VWF: variants seen among roughly 807,000 people sequenced by gnomAD.
VWF encodes Factor VIII related antigen.
VWF carries 176 observed loss-of-function variants against 308.6 expected under a neutral mutation model. The ratio of observed to expected loss-of-function variants is 0.57; its 90% CI spans 0.50 to 0.65. The LOEUF is 0.65. Ranked by LOEUF, VWF falls within the 30% of genes least tolerant of loss-of-function variation. The pLI, the probability that VWF is intolerant of heterozygous loss-of-function variation, is 0.00. For missense variants in VWF, 3,146 were observed against 3,648.2 expected (o/e 0.86, Z 3.55); for synonymous variants, 1,385 against 1,443.4 (o/e 0.96, Z 0.92).
chr12:5,969,293 G>A lies in VWF; in HGVS notation c.7647C>T (p.Cys2549=). 1.2e-6 allele frequency: 2 copies of A among 1,614,194 alleles called. No individual in the cohort carries two copies. Among genetic ancestry groups the A allele is most frequent in the Non-Finnish European group, 1.7e-6 (2 of 1,180,034 alleles). ...EVFIQQRNVS[C]PQLEVPVCPS... ...GGCAGACAGGGACCTCCAGCTGGGG[G>A]CAGGAGACGTTCCTTTGTTGTATAA... The change falls in exon 45 of 52, where the codon TGC becomes TGT. Residue 2549 remains cysteine, a synonymous_variant. Transcript: ENST00000261405.
chr12:5,952,781 T>C (rs7133777), intron 48 of VWF, among the ~76,000 whole-genome samples: 101,947 of 152,118 alleles, frequency 0.67, 36,520 homozygotes, highest in African/African-American at 0.91. Flanking sequence ...ATAGCAACAG[T>C]AAACTGGCTA....
intron 31 of VWF, among the ~76,000 whole-genome samples, chr12:6,014,425 A>G (rs1186389399): frequency 6.6e-6 from 1 of 152,196 alleles, no homozygotes; most frequent in Non-Finnish European, 1.5e-5. Flanking sequence ...AGCTATTTCA[A>G]TAGTCCAGGT....
chr12:5,981,436 A>T (rs1943604101), intron 42 of VWF, among the ~76,000 whole-genome samples: 2 of 152,330 alleles, frequency 1.3e-5, no homozygotes, highest in South Asian at 2.1e-4. Context: ...CTAACCTAAA[A>T]TAAGCTTATA....
intron 19 of VWF, 66 bp from the exon 20 acceptor site, chr12:6,034,892 T>G (rs1944318061): frequency 1.3e-6 from 2 of 1,596,008 alleles, no homozygotes; most frequent in African/African-American, 1.3e-5. Context: ...ATCTGGGCCA[T>G]GGAGGCAATG....
chr12:6,107,863 G>T (rs918188998), intron 5 of VWF, among the ~76,000 whole-genome samples: 16 of 151,936 alleles, frequency 1.1e-4, no homozygotes, highest in African/African-American at 3.9e-4. Context: ...TTTCACCGTG[G>T]TAGCCAGGAT....
chr12:6,011,920 A>C, intron 33 of VWF, 126 bp from the exon 34 acceptor site: 1 of 1,212,630 alleles, frequency 8.2e-7, no homozygotes, highest in Non-Finnish European at 1.2e-6. Context: ...CCCCCTGTAC[A>C]TGAGACAGGA....
At chr12:6,049,108 A>C (rs1457465906) in intron 16 of VWF, among the ~76,000 whole-genome samples, 1 of 152,242 alleles carries the variant, frequency 6.6e-6, no homozygotes. Flanking sequence ...TCCAGGCCAC[A>C]GCATTTCACC....
intron 18 of VWF, among the ~76,000 whole-genome samples, chr12:6,039,725 G>C (rs1231499949): frequency 6.6e-6 from 1 of 152,136 alleles, no homozygotes; most frequent in Admixed American, 6.5e-5. Context: ...AATGTGCAAC[G>C]CCCACATGTG....
chr12:5,994,730 GAT>G (rs1943790324), intron 35 of VWF, 123 bp from the exon 36 acceptor site: 1 of 838,762 alleles, frequency 1.2e-6, no homozygotes, highest in Non-Finnish European at 2.0e-6. Context: ...CACAAACCTT[GAT>G]ATTTGTCGGC....
At chr12:5,951,947 C>T in intron 49 of VWF, 64 bp from the exon 50 acceptor site, 1 of 1,557,926 alleles carries the variant, frequency 6.4e-7, no homozygotes, top group Non-Finnish European at 8.9e-7. Flanking sequence ...TTTCAGGTCA[C>T]TCCGGGCCAA....
chr12:6,057,780 A>T, intron 14 of VWF, 69 bp downstream of exon 14: 1 of 1,498,880 alleles, frequency 6.7e-7, no homozygotes, highest in Non-Finnish European at 8.9e-7. Flanking sequence ...CTGCCTCCGG[A>T]ACGCACTGCA....
intron 9 of VWF, 101 bp downstream of exon 9, chr12:6,072,230 G>A (rs573328246): frequency 1.0e-5 from 11 of 1,068,232 alleles, no homozygotes; most frequent in Middle Eastern, 2.3e-4. Context: ...TTCTTGGCAC[G>A]GTCCAGGTTC....
At position 6,063,849 on chromosome 12, in the gene VWF, G is replaced by A. The variant is rs1156781633; in HGVS notation, c.1432+397C>T. ...CGCCCCAAGTGGCATCCTCTGGTGTGACATCACCAGCCACCCCCGATCTCT... is the reference window on the plus strand; with the variant it reads ...CGCCCCAAGTGGCATCCTCTGGTGTAACATCACCAGCCACCCCCGATCTCT... On this transcript the variant is annotated intron_variant, in intron 12 of 51. Coordinates refer to ENST00000261405, the MANE Select transcript of VWF (RefSeq NM_000552.5). The surrounding 1 kb of genome is among the most constrained non-coding windows in gnomAD (Gnocchi z 4.9). 6.6e-6 allele frequency among the ~76,000 whole-genome samples: 1 copy of A among 152,076 alleles called. No homozygotes were observed. Among genetic ancestry groups the A allele is most frequent in the Non-Finnish European group, 1.5e-5 (1 of 68,004 alleles).
At position 6,056,911 on chromosome 12, in the gene VWF, C is replaced by T. The variant is rs1269483390; in HGVS notation, c.1891G>A (p.Ala631Thr). The part of the protein sequence containing the change: ...CLCGALASYA[A>T]ACAGRGVRVA... ...CGCACGCCTCTCCCCGCGCAGGCCG[C>T]GGCATAGCTGGCCAGGGCGCCGCAC... The change falls in exon 15 of 52, where the codon GCG (alanine) becomes ACG (threonine). Residue 631 changes from alanine (A) to threonine (T), a missense_variant. Around this residue, in one of 3 missense-constraint regions of VWF, gnomAD observed 1,304 missense variants for 1,353.0 expected, o/e 0.96. Transcript: ENST00000261405. 7.2e-6 allele frequency: 11 copies of T among 1,528,840 alleles called. No homozygotes were observed. The highest frequency in any genetic ancestry group is 4.9e-5 in the East Asian group (2 of 40,500). 94.7% of individuals were successfully genotyped at this position (1,528,840 alleles called of 1,614,324 possible). A position where few individuals can be genotyped will look rare whatever the true frequency, so the allele number is the denominator to read the frequency against.
chr12:6,088,361 C>T (rs2136489851), intron 6 of VWF, among the ~76,000 whole-genome samples: 1 of 152,110 alleles, frequency 6.6e-6, no homozygotes, highest in Non-Finnish European at 1.5e-5. Context: ...CGCATGTAGT[C>T]CCAGCTACTC....
chr12:5,949,312 G>T, intron 51 of VWF, 109 bp from the exon 52 acceptor site: 2 of 1,173,936 alleles, frequency 1.7e-6, no homozygotes, highest in Non-Finnish European at 2.5e-6. Context: ...AGCAAGGCAG[G>T]TCTGATCTCA....
In VWF at chr12:6,044,379, C is replaced by G; in HGVS notation, c.2354G>C (p.Gly785Ala). The G allele has an allele frequency of 6.2e-7, 1 of 1,614,202 alleles. No homozygotes were observed. The change falls in exon 18 of 52, where the codon GGG becomes GCG. Residue 785 changes from glycine to alanine, a missense_variant. Physicochemically the swap from Gly to Ala is moderately conservative, Grantham distance 60. This residue lies in a region of VWF where 1,304 missense variants were observed against 1,353.0 expected (regional missense o/e 0.96). Coordinates refer to ENST00000261405, the MANE Select transcript of VWF (RefSeq NM_000552.5). ...VCPADNLRAE[G>A]LECTKTCQNY... ...CTGGCACGTTTTGGTACACTCGAGC[C>G]CTTCAGCCCGCAGGTTGTCAGCGGG...
chr12:5,991,759 T>C (rs1943746187), intron 38 of VWF, 60 bp downstream of exon 38: 1 of 1,569,940 alleles, frequency 6.4e-7, no homozygotes. Context: ...GGTGAACATA[T>C]CTCCCTTTTG....
intron 22 of VWF, among the ~76,000 whole-genome samples, chr12:6,028,057 T>C (rs1944215772): frequency 6.6e-6 from 1 of 152,188 alleles, no homozygotes. Flanking sequence ...CACTGGCTTG[T>C]ACAAGCTGAA....
Sources: allele counts gnomAD v4.1 joint callset (sites outside exome capture counted in the v4.1 genomes callset), GRCh38; gene constraint gnomAD v4.1.1; regional missense constraint gnomAD v4.1.1; non-coding constraint Gnocchi (gnomAD v3.1); transcripts MANE v1.5; gene names NCBI Gene and HGNC (gene_info 2026-07-23, HGNC 2026-07-21).